ADGRF1: variants seen among roughly 807,000 people sequenced by gnomAD.
ADGRF1 encodes the protein G protein-coupled receptor 110.
In ADGRF1, 85 loss-of-function variants were observed where a neutral mutation model predicts 87.2. The ratio of observed to expected loss-of-function variants is 0.97; its 90% CI spans 0.82 to 1.17. The LOEUF (loss-of-function observed/expected upper bound fraction) is 1.17. Among genes scored for constraint, ADGRF1 ranks in the 50% most tolerant of loss-of-function variants. The pLI is 0.00. For synonymous variants in ADGRF1, 430 were observed against 408.8 expected (o/e 1.05, Z -0.63); for missense variants, 1,169 against 1,077.2 (o/e 1.09, Z -1.19).
rs751642301 is a variant in ADGRF1, at chr6:47,009,902, T to C, written c.1533A>G (p.Gln511=). ...VNGPVISTVI[Q]NYSINEVFLF... is the part of the protein sequence containing the mutation. ...GGAAAACTTCATTTATGGAATAGTT[T>C]TGAATAACCGTGGATATCACAGGTC... Residue 511 remains glutamine, a synonymous_variant, in exon 11 of 15, where the codon CAA becomes CAG. Transcript: ENST00000371253. The C allele has an allele frequency of 6.2e-7, 1 of 1,614,130 alleles. No individual in the cohort carries two copies. Among genetic ancestry groups the C allele is most frequent in the South Asian group, 1.1e-5 (1 of 91,078 alleles).
intron 2 of ADGRF1, among the ~76,000 whole-genome samples, 166 bp from the exon 3 acceptor site, chr6:47,027,927 A>T (rs552369777): frequency 6.6e-6 from 1 of 152,210 alleles, no homozygotes; most frequent in East Asian, 1.9e-4. Flanking sequence ...TTAAGCAAAC[A>T]CCTGAAGAGT....
chr6:47,033,001 A>T (rs1253022757), intron 1 of ADGRF1, among the ~76,000 whole-genome samples: 1 of 152,254 alleles, frequency 6.6e-6, no homozygotes, highest in South Asian at 2.1e-4. Context: ...TTTAGTAAAC[A>T]TAAACCCCAT....
chr6:47,001,794 T>C (rs1779371904), intron 13 of ADGRF1: 1 of 424,926 alleles, frequency 2.4e-6, no homozygotes, highest in Non-Finnish European at 4.2e-6. Flanking sequence ...CCTGTGTATT[T>C]TTATAACTTC....
chr6:47,042,098 T>C (rs1780756019), intron 1 of ADGRF1, 93 bp downstream of exon 1: 1 of 152,220 alleles, frequency 6.6e-6, no homozygotes. Context: ...GAATTTTTTT[T>C]TCAAGGAGAG....
rs200498803 is a variant in ADGRF1, at chr6:47,014,787, G to A, written c.821C>T (p.Pro274Leu). ...GTTTCCCCTGTAGCCACTGCTGCAG[G>A]GCAGGGTATATTCATCATCCTTGGA... ...FGSKDDEYTL[P>L]CSSGYRGNIT... is the part of the protein sequence containing the mutation. The change falls in exon 9 of 15, where the codon CCC becomes CTC. Residue 274 changes from proline to leucine, a missense_variant. By Grantham distance (98) the Pro-to-Leu change is moderately conservative. Coordinates refer to ENST00000371253, the MANE Select transcript of ADGRF1 (RefSeq NM_153840.4). The A allele has an allele frequency of 3.0e-4, 488 of 1,613,892 alleles. No homozygotes were observed. The highest frequency in any genetic ancestry group is 3.9e-4 in the Non-Finnish European group (457 of 1,179,922).
intron 12 of ADGRF1, among the ~76,000 whole-genome samples, chr6:47,007,015 C>A (rs1035607906): frequency 3.9e-5 from 6 of 152,108 alleles, no homozygotes; most frequent in Non-Finnish European, 8.8e-5. Context: ...AAAAAGAATT[C>A]CCCTTTTTTC....
At chr6:47,014,037 A>C (rs2113885875) in intron 9 of ADGRF1, 1 of 159,454 alleles carries the variant, frequency 6.3e-6, no homozygotes, top group East Asian at 1.9e-4. Flanking sequence ...TTTATAAACT[A>C]CCCAGTCTCA....
At chr6:47,020,519 T>A (rs1427429164) in intron 7 of ADGRF1, 13 of 1,508,320 alleles carry the variant, frequency 8.6e-6, no homozygotes, top group Middle Eastern at 1.7e-4. Flanking sequence ...AAAAAAAAAT[T>A]TAAGGTCCTA....
intron 1 of ADGRF1, among the ~76,000 whole-genome samples, chr6:47,038,647 A>C (rs1780658143): frequency 6.6e-6 from 1 of 152,192 alleles, no homozygotes; most frequent in Non-Finnish European, 1.5e-5. Flanking sequence ...TGTTAAGTAT[A>C]ATCATTCTAC....
At chr6:47,022,200 A>G in intron 5 of ADGRF1, 142 bp from the exon 6 acceptor site, 1 of 564,750 alleles carries the variant, frequency 1.8e-6, no homozygotes, top group Non-Finnish European at 3.1e-6. Flanking sequence ...TGTTCACCTA[A>G]AATAACACAG....
At chr6:47,013,728 G>A (rs1451107321) in intron 9 of ADGRF1, 29 of 827,838 alleles carry the variant, frequency 3.5e-5, no homozygotes, top group Non-Finnish European at 4.1e-5. Flanking sequence ...AATGTTGGAG[G>A]TGGGGCTTGG....
chr6:47,031,508 T>G lies in ADGRF1; in HGVS notation c.-43-2404A>C, dbSNP rs184725285. Reference sequence around the variant, plus strand: ...TTCTCTCATAGACTCCACCTCTTTATTCCCTCTTCTCCCACCCTAGAGATA... The same window carrying G: ...TTCTCTCATAGACTCCACCTCTTTAGTCCCTCTTCTCCCACCCTAGAGATA... On this transcript the variant is annotated intron_variant, in intron 1 of 14. Coordinates refer to ENST00000371253, the MANE Select transcript of ADGRF1 (RefSeq NM_153840.4). Among the ~76,000 whole-genome samples the G allele has an allele frequency of 2.4e-3, 364 of 152,196 alleles. 2 individuals carry two copies. The highest frequency in any genetic ancestry group is 8.3e-3 in the African/African-American group (345 of 41,540).
intron 7 of ADGRF1, 111 bp downstream of exon 7, chr6:47,020,620 G>T: frequency 6.4e-7 from 1 of 1,559,718 alleles, no homozygotes; most frequent in South Asian, 1.2e-5. Context: ...CTACTATAAA[G>T]ATGACTTCTG....
At chr6:47,014,002 A>C (rs1298934791) in intron 9 of ADGRF1, 1 of 156,170 alleles carries the variant, frequency 6.4e-6, no homozygotes, top group Admixed American at 6.5e-5. Flanking sequence ...TACATCCTGC[A>C]TAACTGTGAG....
At chr6:47,001,625 T>G in intron 13 of ADGRF1, 58 bp from the exon 14 acceptor site, 1 of 1,335,018 alleles carries the variant, frequency 7.5e-7, no homozygotes, top group Non-Finnish European at 1.1e-6. Context: ...ACTGTTGGTC[T>G]GCATTTCCTG....
chr6:47,005,229 T>C (rs1267474799), intron 13 of ADGRF1, among the ~76,000 whole-genome samples: 1 of 152,208 alleles, frequency 6.6e-6, no homozygotes, highest in African/African-American at 2.4e-5. Flanking sequence ...ATATGGATTA[T>C]ACTTTTATGG....
In ADGRF1 at chr6:47,020,759, A is replaced by G. The variant is rs2113893630; in HGVS notation, c.583T>C (p.Phe195Leu). ...LKKAYERIQGFESVQVTQFRN... is the reference protein window; with the variant it reads ...LKKAYERIQGLESVQVTQFRN... ...AATTGGGTGACCTGAACCGACTCAA[A>G]ACCTTGAATTCTTTCATATGCTTTT... Residue 195 changes from phenylalanine to leucine, a missense_variant, in exon 7 of 15, where the codon TTT (phenylalanine) becomes CTT (leucine). Phe to Leu is a conservative substitution (Grantham distance 22, BLOSUM62 0). Coordinates refer to ENST00000371253, the MANE Select transcript of ADGRF1 (RefSeq NM_153840.4). The G allele has an allele frequency of 6.2e-7, 1 of 1,613,968 alleles. No individual in the cohort carries two copies. The highest frequency in any genetic ancestry group is 2.2e-5 in the East Asian group (1 of 44,868).
At chr6:47,011,301 T>C (rs1410511434) in intron 10 of ADGRF1, among the ~76,000 whole-genome samples, 1 of 152,214 alleles carries the variant, frequency 6.6e-6, no homozygotes, top group African/African-American at 2.4e-5. Context: ...TAATCATATA[T>C]AGTTAAGTAT....
intron 1 of ADGRF1, among the ~76,000 whole-genome samples, chr6:47,031,253 CTG>C (rs1156739789): frequency 6.6e-6 from 1 of 151,876 alleles, no homozygotes; most frequent in Admixed American, 6.6e-5. Flanking sequence ...TCTGCTCACT[CTG>C]TGTCTCTCTC....
Sources: gnomAD v4.1 joint callset for allele counts (sites outside exome capture counted in the v4.1 genomes callset) on GRCh38, gnomAD v4.1.1 for gene constraint, MANE v1.5 for transcripts, NCBI Gene and HGNC (gene_info 2026-07-23, HGNC 2026-07-21) for gene names.